The following SMYD3 variants were observed in gnomAD, a reference collection of about 807,000 sequenced individuals.
The protein encoded by SMYD3 is histone-lysine N-methyltransferase SMYD3.
SMYD3 carries 36 observed loss-of-function variants against 57.7 expected under a neutral mutation model. The observed-to-expected ratio is 0.62, with a 90% CI of 0.48 to 0.82. The LOEUF is 0.82. SMYD3 is among the 40% of genes least tolerant of loss of function. The probability of loss-of-function intolerance (pLI) is 0.00; values close to 1 mark genes in which losing one functional copy is unlikely to be tolerated. For missense variants in SMYD3, 515 were observed against 538.8 expected (o/e 0.96, Z 0.44); for synonymous variants, 211 against 195.0 (o/e 1.08, Z -0.68).
intron 5 of SMYD3, among the ~76,000 whole-genome samples, chr1:246,123,718 A>G (rs4022382): frequency 0.081 from 12,252 of 152,116 alleles, 1,001 homozygotes; most frequent in African/African-American, 0.19. Context: ...ATTGTATTAC[A>G]TGCTTGTATT....
intron 5 of SMYD3, among the ~76,000 whole-genome samples, chr1:246,171,624 T>C (rs982593679): frequency 1.3e-5 from 2 of 152,184 alleles, no homozygotes; most frequent in Non-Finnish European, 2.9e-5. Context: ...ACCTGTACAG[T>C]ATGTTCTTGT....
chr1:246,290,176 A>T (rs1395786627), intron 5 of SMYD3, among the ~76,000 whole-genome samples: 9 of 152,236 alleles, frequency 5.9e-5, no homozygotes, highest in Admixed American at 5.9e-4. Context: ...AGAGTTTTCC[A>T]GCAAAAACTG....
chr1:246,204,747 CT>C (rs773204756), intron 5 of SMYD3, among the ~76,000 whole-genome samples: 1 of 152,302 alleles, frequency 6.6e-6, no homozygotes, highest in Admixed American at 6.5e-5. Context: ...GTCCATTTAT[CT>C]GCATGCTTAA....
Position 245,840,750 on chromosome 1 carries a change from T to TAA in SMYD3, c.1076+17744_1076+17745dup, listed in dbSNP as rs199831788. 1.2e-4 allele frequency among the ~76,000 whole-genome samples: 17 copies of TAA among 143,216 alleles called. No homozygotes were observed. The South Asian group carries it at 2.4e-3, about 20-fold the overall frequency. The allele number at this position is 143,216 out of a possible 152,430, so 94.0% of individuals were successfully genotyped here. On this transcript the variant is annotated intron_variant, in intron 10 of 11. Transcript: ENST00000490107. The stretch of plus-strand genomic sequence containing the variant: ...GAGAAGTATTGAAAACAGACATGGT[T>TAA]AAAAAAAAAAAACAAAGTTGCAGCT...
Position 246,248,635 on chromosome 1 carries a change from CCT to C in SMYD3, c.531+78564_531+78565del, listed in dbSNP as rs1491342994. Among the ~76,000 whole-genome samples, 109 of 68,330 alleles carry C rather than the reference CCT, an allele frequency of 1.6e-3. 3 individuals are homozygous for C. The highest frequency in any genetic ancestry group is 0.013 in the East Asian group (4 of 312). 44.8% of individuals were successfully genotyped at this position (68,330 alleles called of 152,430 possible). ...AGTTATGCAAAAGCTCTCTGACTTT[CCT>C]TTTTTTTTTTTTTTTTTTTTTTGAG... On this transcript the variant is annotated intron_variant, in intron 5 of 11. Transcript: ENST00000490107.
intron 1 of SMYD3, among the ~76,000 whole-genome samples, chr1:246,419,524 G>A (rs973697192): frequency 3.3e-5 from 5 of 152,160 alleles, no homozygotes; most frequent in East Asian, 1.9e-4. Flanking sequence ...ACATTTGGGC[G>A]CAAAGGCAGA....
intron 5 of SMYD3, among the ~76,000 whole-genome samples, chr1:246,170,975 A>T (rs2062320217): frequency 6.6e-6 from 1 of 152,136 alleles, no homozygotes; most frequent in South Asian, 2.1e-4. Context: ...AATTTTTTTT[A>T]AACCAGAAGA....
At chr1:245,812,002 C>T (rs545443415) in intron 10 of SMYD3, among the ~76,000 whole-genome samples, 5 of 152,230 alleles carry the variant, frequency 3.3e-5, no homozygotes, top group African/African-American at 1.2e-4. Context: ...TCTTTCTTTG[C>T]TTAGATTGTT....
intron 1 of SMYD3, among the ~76,000 whole-genome samples, chr1:246,378,592 T>C (rs2066318466): frequency 6.8e-6 from 1 of 147,410 alleles, no homozygotes; most frequent in Admixed American, 7.1e-5. Flanking sequence ...AGATGGCCTA[T>C]TGTGAGACCT....
chr1:246,423,694 A>G (rs187908320), intron 1 of SMYD3, among the ~76,000 whole-genome samples: 10 of 152,204 alleles, frequency 6.6e-5, no homozygotes, highest in Non-Finnish European at 1.2e-4. Context: ...AGCCTGCACT[A>G]TAAGAAATCC....
chr1:245,946,046 G>T (rs1045711756), intron 5 of SMYD3, among the ~76,000 whole-genome samples: 1 of 152,158 alleles, frequency 6.6e-6, no homozygotes, highest in African/African-American at 2.4e-5. Context: ...GGTGATAGCT[G>T]CAGCAAACCA....
chr1:246,404,425 G>A (rs560813084), intron 1 of SMYD3, among the ~76,000 whole-genome samples: 2 of 152,288 alleles, frequency 1.3e-5, no homozygotes, highest in East Asian at 1.9e-4. Context: ...CTTCACATAC[G>A]GCACCCACCT....
intron 1 of SMYD3, among the ~76,000 whole-genome samples, chr1:246,490,875 TA>T (rs2068258335): frequency 6.6e-6 from 1 of 151,984 alleles, no homozygotes; most frequent in Admixed American, 6.6e-5. Flanking sequence ...TCAAATTAAA[TA>T]AATAAATGGT....
intron 1 of SMYD3, among the ~76,000 whole-genome samples, chr1:246,383,453 T>C (rs1242257312): frequency 6.6e-6 from 1 of 152,188 alleles, no homozygotes; most frequent in African/African-American, 2.4e-5. Context: ...ATCAAATGTC[T>C]AGGTGATTCA....
intron 5 of SMYD3, among the ~76,000 whole-genome samples, chr1:246,314,061 T>C (rs763531507): frequency 1.3e-5 from 2 of 152,204 alleles, no homozygotes; most frequent in Admixed American, 6.5e-5. Flanking sequence ...ACAGAATCAT[T>C]TGACATGAAT....
rs1414079511 is a variant in SMYD3, at chr1:245,959,341, G to A, written c.532-29404C>T. ...CTTGCTCTGTTATTCTACGGCTCCC[G>A]ACAGCTCCAGATCAAAGTTTTCTGA... On this transcript the variant is annotated intron_variant, in intron 5 of 11. Transcript: ENST00000490107. Among the ~76,000 whole-genome samples, 10 of 152,132 alleles carry A rather than the reference G, an allele frequency of 6.6e-5. No homozygotes were observed. The South Asian group carries it at 1.7e-3, about 25-fold the overall frequency.
chr1:245,873,931 AGGTGAGAACTACATTAG>A (rs2052355738), intron 8 of SMYD3, among the ~76,000 whole-genome samples: 2 of 152,192 alleles, frequency 1.3e-5, no homozygotes, highest in Admixed American at 1.3e-4. Context: ...CCGCTTGCCC[AGGTGAGAACTACATTAG>A]GGTTACCACT....
chr1:246,302,300 C>T (rs963661917), intron 5 of SMYD3, among the ~76,000 whole-genome samples: 1 of 152,104 alleles, frequency 6.6e-6, no homozygotes, highest in African/African-American at 2.4e-5. Flanking sequence ...AGACCAGACC[C>T]TAATAATGTT....
intron 5 of SMYD3, among the ~76,000 whole-genome samples, chr1:246,093,114 G>A (rs61839123): frequency 6.6e-4 from 100 of 152,270 alleles, no homozygotes; most frequent in Middle Eastern, 6.8e-3. Context: ...AAAAAGAACA[G>A]ATGCTTGCAA....
Sources: gnomAD v4.1 joint callset for allele counts (sites outside exome capture counted in the v4.1 genomes callset) on GRCh38, gnomAD v4.1.1 for gene constraint, MANE v1.5 for transcripts, NCBI Gene and HGNC (gene_info 2026-07-23, HGNC 2026-07-21) for gene names.